Variants in SHISA9 observed in about 807,000 individuals in gnomAD.
SHISA9 encodes the protein protein shisa-9.
A neutral mutation model predicts 38.0 loss-of-function variants in SHISA9; 13 were observed. That is an observed-to-expected ratio of 0.34 (90% confidence interval 0.22 to 0.54). The LOEUF is 0.54. Among genes scored for constraint, SHISA9 ranks in the 20% least tolerant of loss-of-function variants. The pLI, the probability that SHISA9 is intolerant of heterozygous loss-of-function variation, is 0.91. For missense variants in SHISA9, 538 were observed against 575.8 expected, an observed-to-expected ratio of 0.93 and a Z score of 0.67; for synonymous variants, 275 against 242.0, an observed-to-expected ratio of 1.14 and a Z score of -1.27.
At chr16:13,289,711 G>T in the SHISA9 span, among the ~76,000 whole-genome samples, 2 of 151,988 alleles carry the variant, frequency 1.3e-5, no homozygotes, top group African/African-American at 2.4e-5. Context: ...AGACTGGAGA[G>T]TTGGTTTGTT....
chr16:13,283,011 A>T, the SHISA9 span, among the ~76,000 whole-genome samples: 1 of 151,828 alleles, frequency 6.6e-6, no homozygotes, highest in African/African-American at 2.4e-5. Context: ...TATATTAATG[A>T]CTTTATTTTT....
At chr16:13,211,791 C>G (rs754435584) in intron 3 of SHISA9, among the ~76,000 whole-genome samples, 2 of 152,318 alleles carry the variant, frequency 1.3e-5, no homozygotes, top group African/African-American at 2.4e-5. Context: ...TCAAGGCAAA[C>G]AGCAATGGAT....
intron 3 of SHISA9, among the ~76,000 whole-genome samples, chr16:13,206,662 C>T (rs2051067762): frequency 6.6e-6 from 1 of 152,142 alleles, no homozygotes; most frequent in African/African-American, 2.4e-5. Flanking sequence ...TTTATAATAC[C>T]AAGGACACAG....
chr16:12,928,796 A>G (rs1291604442), intron 2 of SHISA9, among the ~76,000 whole-genome samples: 3 of 152,250 alleles, frequency 2.0e-5, no homozygotes, highest in Non-Finnish European at 4.4e-5. Context: ...CTGCAGAGGC[A>G]TTATTTTTAA....
At chr16:13,003,773 G>A (rs1233358670) in intron 2 of SHISA9, among the ~76,000 whole-genome samples, 1 of 152,040 alleles carries the variant, frequency 6.6e-6, no homozygotes, top group Non-Finnish European at 1.5e-5. Flanking sequence ...CAGGAGAATC[G>A]CTTGAAGCCA....
At chr16:13,210,675 A>T (rs1028498892) in intron 3 of SHISA9, among the ~76,000 whole-genome samples, 8 of 152,340 alleles carry the variant, frequency 5.3e-5, no homozygotes, top group Admixed American at 3.3e-4. Context: ...AAGTTAGGGC[A>T]GAAAGGGGGC....
At chr16:13,149,992 T>C (rs1228832826) in intron 2 of SHISA9, among the ~76,000 whole-genome samples, 1 of 123,612 alleles carries the variant, frequency 8.1e-6, no homozygotes, top group Non-Finnish European at 1.7e-5. Flanking sequence ...GTGCCCAGTA[T>C]ATAGGAAATG....
At chr16:13,332,604 C>A in the SHISA9 span, 1 of 152,196 alleles carries the variant, frequency 6.6e-6, no homozygotes, top group African/African-American at 2.4e-5. Context: ...AAAGATCCTT[C>A]CATCAGCACA....
the SHISA9 span, among the ~76,000 whole-genome samples, chr16:13,434,661 G>A: frequency 2.0e-5 from 3 of 151,932 alleles, no homozygotes; most frequent in Non-Finnish European, 2.9e-5. Flanking sequence ...CTCGTGATCC[G>A]CCCACCTCGG....
intron 2 of SHISA9, among the ~76,000 whole-genome samples, chr16:13,011,175 C>T (rs181188831): frequency 2.9e-4 from 44 of 152,074 alleles, no homozygotes; most frequent in African/African-American, 1.0e-3. Flanking sequence ...AGACAGTGAA[C>T]CTTTCTTTTA....
intron 2 of SHISA9, among the ~76,000 whole-genome samples, chr16:13,077,099 G>C (rs1035063662): frequency 6.6e-6 from 1 of 152,186 alleles, no homozygotes; most frequent in Non-Finnish European, 1.5e-5. Context: ...GTACAGTCCA[G>C]CTAATGCAGC....
At chr16:12,941,397 A>G (rs539358932) in intron 2 of SHISA9, among the ~76,000 whole-genome samples, 39 of 152,294 alleles carry the variant, frequency 2.6e-4, no homozygotes, top group African/African-American at 8.9e-4. Context: ...GATACATAAT[A>G]GTTGCATATA....
intron 2 of SHISA9, among the ~76,000 whole-genome samples, chr16:13,063,490 G>A (rs1051504638): frequency 6.6e-6 from 1 of 152,084 alleles, no homozygotes; most frequent in Non-Finnish European, 1.5e-5. Flanking sequence ...TTCTCATCTC[G>A]TAAAGTGGAA....
chr16:13,108,511 C>T (rs1180794547), intron 2 of SHISA9, among the ~76,000 whole-genome samples: 1 of 152,052 alleles, frequency 6.6e-6, no homozygotes, highest in Non-Finnish European at 1.5e-5. Flanking sequence ...GTGATCCTCC[C>T]ACTTTGGACT....
chr16:12,990,828 G>T (rs1044559220), intron 2 of SHISA9, among the ~76,000 whole-genome samples: 1 of 152,170 alleles, frequency 6.6e-6, no homozygotes, highest in African/African-American at 2.4e-5. Flanking sequence ...CCATCATGAT[G>T]AACATCTCTG....
intron 2 of SHISA9, among the ~76,000 whole-genome samples, chr16:12,962,990 G>T (rs2071930847): frequency 6.6e-6 from 1 of 152,092 alleles, no homozygotes; most frequent in Non-Finnish European, 1.5e-5. Context: ...AATTTCTGTT[G>T]CCCCATCCTG....
chr16:13,055,392 CTG>C (rs2073298726), intron 2 of SHISA9, among the ~76,000 whole-genome samples: 1 of 152,156 alleles, frequency 6.6e-6, no homozygotes, highest in Non-Finnish European at 1.5e-5. Flanking sequence ...TTGCTTCTCA[CTG>C]TCTCTCTGGT....
At chr16:13,133,672 C>T (rs1299004508) in intron 2 of SHISA9, among the ~76,000 whole-genome samples, 2 of 152,118 alleles carry the variant, frequency 1.3e-5, no homozygotes, top group African/African-American at 4.8e-5. Flanking sequence ...CCACATTACC[C>T]AAGGGAAGCA....
the SHISA9 span, among the ~76,000 whole-genome samples, chr16:13,326,732 G>GA: frequency 1.3e-5 from 2 of 151,174 alleles, no homozygotes; most frequent in Admixed American, 6.6e-5. Flanking sequence ...GAAAAAGAAA[G>GA]AAAAAAAAAG....
Sources: gnomAD v4.1 joint callset for allele counts (sites outside exome capture counted in the v4.1 genomes callset) on GRCh38, gnomAD v4.1.1 for gene constraint, MANE v1.5 for transcripts, NCBI Gene and HGNC (gene_info 2026-07-23, HGNC 2026-07-21) for gene names.